Variants in TRAPPC10 observed in about 807,000 individuals in gnomAD.
The protein encoded by TRAPPC10 is trafficking protein particle complex subunit 10.
TRAPPC10 carries 23 observed loss-of-function variants against 125.5 expected under a neutral mutation model. That is an observed-to-expected ratio of 0.18 (90% CI 0.13 to 0.26). The LOEUF (loss-of-function observed/expected upper bound fraction) is 0.26, where lower values mean the gene tolerates loss of function less well. Ranked by LOEUF, TRAPPC10 falls within the 10% of genes least tolerant of loss-of-function variation. The pLI is 1.00. For synonymous variants in TRAPPC10, 509 were observed against 518.0 expected (o/e 0.98, Z 0.24); for missense variants, 1,123 against 1,308.4 (o/e 0.86, Z 2.19).
chr21:44,074,936 T>A, intron 8 of TRAPPC10, 103 bp from the exon 9 acceptor site: 1 of 876,190 alleles, frequency 1.1e-6, no homozygotes. Flanking sequence ...AAAGCTAAAT[T>A]TCTTCTAGAA....
At position 44,077,708 on chromosome 21, in the gene TRAPPC10, A is replaced by T. The variant is rs772513918; in HGVS notation, c.1393A>T (p.Thr465Ser). 1 of 1,604,664 alleles carries T rather than the reference A, an allele frequency of 6.2e-7. No homozygotes were observed. The highest frequency in any genetic ancestry group is 8.5e-7 in the Non-Finnish European group (1 of 1,174,404). ...TTCCCCACAGGATTTGTCCCATGCC[A>T]CCATTGAAATGTATACAAGCATTGG... ...EKHYLDLSHATIEMYTSIGRI... is the reference protein window; with the variant it reads ...EKHYLDLSHASIEMYTSIGRI... The change falls in exon 11 of 23, where the codon ACC becomes TCC. Residue 465 changes from threonine to serine, a missense_variant. Coordinates refer to ENST00000291574, the MANE Select transcript of TRAPPC10 (RefSeq NM_003274.5).
chr21:44,055,968 CT>C, intron 5 of TRAPPC10, 75 bp downstream of exon 5: 1 of 1,321,252 alleles, frequency 7.6e-7, no homozygotes, highest in Non-Finnish European at 1.0e-6. Flanking sequence ...CTCCTCCTTT[CT>C]TTCTAAGTAA....
intron 3 of TRAPPC10, among the ~76,000 whole-genome samples, chr21:44,043,151 C>A (rs1601631224): frequency 1.3e-5 from 2 of 149,762 alleles, no homozygotes; most frequent in Admixed American, 1.3e-4. Flanking sequence ...ATTCTAGACA[C>A]TTTGGTTCTA....
At chr21:44,081,017 CTTTTTTTT>C (rs67865929) in intron 13 of TRAPPC10, among the ~76,000 whole-genome samples, 11 of 97,226 alleles carry the variant, frequency 1.1e-4, no homozygotes, top group South Asian at 7.5e-4. Context: ...TTTTTTTTTT[CTTTTTTTT>C]TTTTTTTTTT....
chr21:44,090,048 C>T, intron 18 of TRAPPC10, 115 bp downstream of exon 18: 2 of 690,660 alleles, frequency 2.9e-6, no homozygotes, highest in Non-Finnish European at 5.0e-6. Flanking sequence ...CTTATGTGAC[C>T]ACAAGGCCAT....
chr21:44,086,738 G>T, intron 15 of TRAPPC10, 64 bp from the exon 16 acceptor site: 1 of 1,571,334 alleles, frequency 6.4e-7, no homozygotes, highest in South Asian at 1.1e-5. Flanking sequence ...TCACCCCATT[G>T]CGGGCCCTGA....
chr21:44,042,102 C>T (rs186964518), intron 3 of TRAPPC10, among the ~76,000 whole-genome samples: 3 of 152,258 alleles, frequency 2.0e-5, no homozygotes, highest in Admixed American at 2.0e-4. Flanking sequence ...TCCAGAGAAC[C>T]AGGATTTTAA....
intron 9 of TRAPPC10, among the ~76,000 whole-genome samples, chr21:44,076,269 G>A (rs1023230886): frequency 1.1e-4 from 17 of 152,162 alleles, no homozygotes; most frequent in East Asian, 5.8e-4. Context: ...AGATCACTTC[G>A]GAAGTAATTT....
chr21:44,063,860 G>A lies in TRAPPC10; in HGVS notation c.1038+75G>A, dbSNP rs963782159. On this transcript the variant is annotated intron_variant, in intron 7 of 22. Coordinates refer to ENST00000291574, the MANE Select transcript of TRAPPC10 (RefSeq NM_003274.5). The surrounding 1 kb of genome is among the most constrained non-coding windows in gnomAD (Gnocchi z 4.4). ...AAATCTCTGAACCTTGAGATCCCAG[G>A]CATTGAACTGTTTGTGCTTAAGAAA... 3 of 1,536,760 alleles carry A rather than the reference G, an allele frequency of 2.0e-6. No homozygotes were observed. The highest frequency in any genetic ancestry group is 1.4e-5 in the African/African-American group (1 of 72,488).
rs1481310796 is a variant in TRAPPC10 at position 44,059,489 on chromosome 21, C to T, written c.790+275C>T. 1 of 756,102 alleles carries T rather than the reference C, an allele frequency of 1.3e-6. No homozygotes were observed. The highest frequency in any genetic ancestry group is 1.4e-5 in the South Asian group (1 of 70,500). The allele number at this position is 756,102 out of a possible 1,614,324, so 46.8% of individuals were successfully genotyped here. On this transcript the variant is annotated intron_variant, in intron 6 of 22. Transcript: ENST00000291574. This position sits in a 1 kb window ranked among gnomAD's most constrained non-coding sequence, Gnocchi z 4.4. ...GGTATAAAATGTCCTTTCCACAACT[C>T]AGTGGCCTGCTGGTGATGCTTCGAT...
chr21:44,025,559 G>C (rs1035728498), intron 1 of TRAPPC10, among the ~76,000 whole-genome samples: 1 of 152,128 alleles, frequency 6.6e-6, no homozygotes, highest in African/African-American at 2.4e-5. Flanking sequence ...GGCTAGAGAA[G>C]GCAACTTGTT....
chr21:44,024,803 C>G (rs181247027), intron 1 of TRAPPC10, among the ~76,000 whole-genome samples: 3 of 152,120 alleles, frequency 2.0e-5, no homozygotes, highest in Admixed American at 6.5e-5. Context: ...TTTAAAGAAG[C>G]CTTGTGTATG....
At chr21:44,094,545 C>G (rs905263527) in intron 20 of TRAPPC10, among the ~76,000 whole-genome samples, 3 of 152,122 alleles carry the variant, frequency 2.0e-5, no homozygotes, top group Admixed American at 2.0e-4. Flanking sequence ...TAGTAACTCC[C>G]TGGAAATATT....
intron 3 of TRAPPC10, among the ~76,000 whole-genome samples, chr21:44,048,312 C>T (rs2034995263): frequency 6.6e-6 from 1 of 152,108 alleles, no homozygotes; most frequent in Non-Finnish European, 1.5e-5. Context: ...TGCCAGCTTC[C>T]CCTCTGTCAC....
intron 7 of TRAPPC10, among the ~76,000 whole-genome samples, chr21:44,070,088 G>T (rs1317634420): frequency 1.3e-5 from 2 of 152,144 alleles, no homozygotes; most frequent in Admixed American, 6.5e-5. Flanking sequence ...AGGTGGAGGG[G>T]CTGGTGACTG....
intron 13 of TRAPPC10, among the ~76,000 whole-genome samples, chr21:44,081,005 C>CTTTTTTTTTTCTT (rs2037673502): frequency 3.8e-5 from 4 of 103,900 alleles, no homozygotes; most frequent in Non-Finnish European, 6.5e-5. Flanking sequence ...TATTATTGTT[C>CTTTTTTTTTTCTT]TTTTTTTTTT....
chr21:44,038,637 G>C (rs1180509693), intron 3 of TRAPPC10, among the ~76,000 whole-genome samples: 1 of 152,118 alleles, frequency 6.6e-6, no homozygotes, highest in Non-Finnish European at 1.5e-5. Context: ...TGAACTAATA[G>C]AAAATTCTGT....
Position 44,089,813 on chromosome 21 carries a change from TC to T in TRAPPC10, c.2770-19del, listed in dbSNP as rs1244797824. ...TCCGTCGGCGAGTGGTCTGAGAGTGTCTTTGTGCTTCCTCCTCAGGTGTCGA... is the reference window on the plus strand; with the variant it reads ...TCCGTCGGCGAGTGGTCTGAGAGTGTTTTGTGCTTCCTCCTCAGGTGTCGA... On this transcript the variant is annotated intron_variant, in intron 17 of 22. Coordinates refer to ENST00000291574, the MANE Select transcript of TRAPPC10 (RefSeq NM_003274.5). The T allele has an allele frequency of 1.9e-6, 3 of 1,604,184 alleles. No homozygotes were observed. In the South Asian group the frequency reaches 3.3e-5, roughly 18 times the overall value.
At chr21:44,079,799 G>A in intron 12 of TRAPPC10, 95 bp downstream of exon 12, 1 of 1,364,836 alleles carries the variant, frequency 7.3e-7, no homozygotes, top group Non-Finnish European at 1.0e-6. Context: ...CTATTATTAA[G>A]GAGAGAAAAG....
Sources: allele counts gnomAD v4.1 joint callset (sites outside exome capture counted in the v4.1 genomes callset), GRCh38; gene constraint gnomAD v4.1.1; non-coding constraint Gnocchi (gnomAD v3.1); transcripts MANE v1.5; gene names NCBI Gene and HGNC (gene_info 2026-07-23, HGNC 2026-07-21).